The following ILF2 variants were observed in gnomAD, a reference collection of about 807,000 sequenced individuals.
The protein encoded by ILF2 is interleukin enhancer binding factor 2.
ILF2 carries 9 observed loss-of-function variants against 55.3 expected under a neutral mutation model. The ratio of observed to expected loss-of-function variants is 0.16; its 90% CI spans 0.10 to 0.28. The LOEUF (loss-of-function observed/expected upper bound fraction) is 0.28. Ranked by LOEUF, ILF2 falls within the 10% of genes least tolerant of loss-of-function variation. ILF2 has a pLI of 1.00. For synonymous variants in ILF2, 151 were observed against 161.8 expected, an observed-to-expected ratio of 0.93 and a Z score of 0.50; for missense variants, 266 against 474.9, an observed-to-expected ratio of 0.56 and a Z score of 4.09.
At chr1:153,664,601 G>A in intron 8 of ILF2, 127 bp from the exon 9 acceptor site, 1 of 753,010 alleles carries the variant, frequency 1.3e-6, no homozygotes, top group Non-Finnish European at 2.3e-6. Context: ...TGTTGTCCAG[G>A]CTGGATTGCG....
intron 5 of ILF2, 51 bp from the exon 6 acceptor site, chr1:153,667,708 C>G: frequency 7.9e-7 from 1 of 1,263,030 alleles, no homozygotes; most frequent in Non-Finnish European, 1.1e-6. Flanking sequence ...AAAAAAGGTG[C>G]CTAGGTCCTC....
rs772605941 is a variant in ILF2, at chr1:153,665,660, A to G, written c.460+3T>C. The G allele has an allele frequency of 7.4e-6, 12 of 1,613,188 alleles. No homozygotes were observed. Among genetic ancestry groups the G allele is most frequent in the Non-Finnish European group, 1.0e-5 (12 of 1,179,100 alleles). On this transcript the variant is annotated splice_donor_region_variant and intron_variant, in intron 7 of 13. Transcript: ENST00000361891. ...AAATACAGAATCAGCAACAAATGCA[A>G]ACCTTCAGAAGGATCCTGTGCTCTT...
intron 7 of ILF2, 139 bp from the exon 8 acceptor site, chr1:153,665,475 G>A: frequency 4.0e-6 from 3 of 758,774 alleles, no homozygotes; most frequent in Non-Finnish European, 6.9e-6. Flanking sequence ...CAGAGCTTTA[G>A]AAGGGAGATC....
At chr1:153,664,258 GCTTC>G (rs1669250237) in intron 9 of ILF2, 128 bp from the exon 10 acceptor site, 3 of 999,378 alleles carry the variant, frequency 3.0e-6, no homozygotes, top group Non-Finnish European at 4.6e-6. Context: ...ATCTTAATTT[GCTTC>G]CTTAAGGTAA....
chr1:153,670,790 G>A, intron 1 of ILF2, 128 bp downstream of exon 1: 2 of 1,087,086 alleles, frequency 1.8e-6, no homozygotes, highest in South Asian at 1.2e-5. Flanking sequence ...TCCTAGACCA[G>A]GAGTTCTCAG....
rs1160296396 is a variant in ILF2 at position 153,667,193 on chromosome 1, A to G, written c.394+362T>C. Reference sequence around the variant, plus strand: ...AGAAATTTGAGCTTTCAAGATCCGTAAGGGCTGGGCACAGTGGCTCACGCC... The same window carrying G: ...AGAAATTTGAGCTTTCAAGATCCGTGAGGGCTGGGCACAGTGGCTCACGCC... On this transcript the variant is annotated intron_variant, in intron 6 of 13. Coordinates refer to ENST00000361891, the MANE Select transcript of ILF2 (RefSeq NM_004515.4). 8.8e-6 allele frequency: 3 copies of G among 342,434 alleles called. No homozygotes were observed. The East Asian group carries it at 1.4e-4, about 16-fold the overall frequency. The allele number at this position is 342,434 out of a possible 1,614,324, so 21.2% of individuals were successfully genotyped here.
chr1:153,662,879 C>T, intron 12 of ILF2, 84 bp from the exon 13 acceptor site: 1 of 1,368,752 alleles, frequency 7.3e-7, no homozygotes, highest in Non-Finnish European at 1.0e-6. Flanking sequence ...GAGATTAAGA[C>T]AGCTTTTTAA....
chr1:153,664,238 CT>C lies in ILF2; in HGVS notation c.657-109del, dbSNP rs1275898434. Reference sequence around the variant, plus strand: ...TATTTCCAGAACTATACATTCTCTGCTTTCTCTAAATCTTAATTTGCTTCCT... The same window carrying C: ...TATTTCCAGAACTATACATTCTCTGCTTCTCTAAATCTTAATTTGCTTCCT... On this transcript the variant is annotated intron_variant, in intron 9 of 13. Transcript: ENST00000361891. 5 of 975,802 alleles carry C rather than the reference CT, an allele frequency of 5.1e-6. No homozygotes were observed. In the African/African-American group the frequency reaches 8.1e-5, roughly 16 times the overall value. 60.4% of individuals were successfully genotyped at this position (975,802 alleles called of 1,614,324 possible). A position where few individuals can be genotyped will look rare whatever the true frequency, so the allele number is the denominator to read the frequency against.
intron 8 of ILF2, 49 bp downstream of exon 8, chr1:153,665,171 G>A (rs750716877): frequency 6.6e-6 from 7 of 1,062,284 alleles, no homozygotes; most frequent in Admixed American, 3.4e-5. Flanking sequence ...ACAATACCAT[G>A]TTTTGAATAT....
chr1:153,667,857 T>C, intron 5 of ILF2, 143 bp downstream of exon 5: 1 of 684,324 alleles, frequency 1.5e-6, no homozygotes, highest in Non-Finnish European at 2.6e-6. Context: ...CCAAGATCAG[T>C]ACTACAAAGA....
rs781396819 is a variant in ILF2, at chr1:153,662,388, AG to A, written c.*7del. 2.5e-6 allele frequency: 4 copies of A among 1,613,924 alleles called. No individual in the cohort carries two copies. Among genetic ancestry groups the A allele is most frequent in the Admixed American group, 3.3e-5 (2 of 60,006 alleles). On this transcript the variant is annotated 3_prime_UTR_variant, in exon 14 of 14. Coordinates refer to ENST00000361891, the MANE Select transcript of ILF2 (RefSeq NM_004515.4). Reference sequence around the variant, plus strand: ...CCCCCTTGGGTAGGAAAAGGAGTGAAGGGAATGTCACTCCTGAGTTTCCATG... The same window carrying A: ...CCCCCTTGGGTAGGAAAAGGAGTGAAGGAATGTCACTCCTGAGTTTCCATG...
At position 153,663,046 on chromosome 1, in the gene ILF2, T is replaced by C. The variant is rs1193830363; in HGVS notation, c.894A>G (p.Val298=). The change falls in exon 12 of 14, where the codon GTA becomes GTG. Residue 298 remains valine (V), a synonymous_variant. Coordinates refer to ENST00000361891, the MANE Select transcript of ILF2 (RefSeq NM_004515.4). ...GCTGTTCTAGGGTCATGACTGTGTGTACTCTAAAGTTGCCACTCTCACAGG... is the reference window on the plus strand; with the variant it reads ...GCTGTTCTAGGGTCATGACTGTGTGCACTCTAAAGTTGCCACTCTCACAGG... The part of the protein sequence containing the change: ...TDPCESGNFR[V]HTVMTLEQQD... The C allele has an allele frequency of 6.2e-7, 1 of 1,613,926 alleles. No individual in the cohort carries two copies. The highest frequency in any genetic ancestry group is 8.5e-7 in the Non-Finnish European group (1 of 1,179,900).
intron 12 of ILF2, 24 bp downstream of exon 12, chr1:153,662,995 C>T (rs753655803): frequency 3.8e-6 from 6 of 1,581,844 alleles, no homozygotes; most frequent in Admixed American, 3.3e-5. Context: ...GGCAAAACAA[C>T]TCAGTTCATA....
Position 153,662,814 on chromosome 1 carries a change from A to G in ILF2, c.922-19T>C, listed in dbSNP as rs370842389. On this transcript the variant is annotated intron_variant, in intron 12 of 13. Transcript: ENST00000361891. ...CCATGTCCTGAAGGAAAGCAAAGTG[A>G]GAGTAAGCAAGGAAAATCAAAGGAC... 8.9e-5 allele frequency: 143 copies of G among 1,598,420 alleles called. 1 individual carries two copies. The African/African-American group carries it at 1.4e-3, about 16-fold the overall frequency.
intron 5 of ILF2, 36 bp from the exon 6 acceptor site, chr1:153,667,693 G>A (rs756879446): frequency 1.3e-6 from 2 of 1,486,356 alleles, no homozygotes; most frequent in Admixed American, 1.9e-5. Flanking sequence ...AAACAATTTA[G>A]AAGAAAAAAA....
At chr1:153,663,540 C>T (rs967601852) in intron 10 of ILF2, among the ~76,000 whole-genome samples, 1 of 151,752 alleles carries the variant, frequency 6.6e-6, no homozygotes, top group African/African-American at 2.4e-5. Flanking sequence ...GCTATTTTGC[C>T]CAGGCTGGTC....
At chr1:153,668,652 CAG>C (rs1669370827) in intron 3 of ILF2, 95 bp from the exon 4 acceptor site, 7 of 1,394,328 alleles carry the variant, frequency 5.0e-6, no homozygotes, top group Non-Finnish European at 6.7e-6. Flanking sequence ...AGGTTAAAAA[CAG>C]AAAATTCTAC....
chr1:153,662,784 G>A lies in ILF2; in HGVS notation c.933C>T (p.Cys311=). The change falls in exon 13 of 14, where the codon TGC becomes TGT. Residue 311 remains cysteine (C), a synonymous_variant. Coordinates refer to ENST00000361891, the MANE Select transcript of ILF2 (RefSeq NM_004515.4). ...TTCGGACGAGAGTCTGAGCTGTATAGCAGACCATGTCCTGAAGGAAAGCAA... is the reference window on the plus strand; with the variant it reads ...TTCGGACGAGAGTCTGAGCTGTATAACAGACCATGTCCTGAAGGAAAGCAA... ...VMTLEQQDMV[C]YTAQTLVRIL... 1 of 1,614,042 alleles carries A rather than the reference G, an allele frequency of 6.2e-7. No homozygotes were observed. Among genetic ancestry groups the A allele is most frequent in the Non-Finnish European group, 8.5e-7 (1 of 1,179,886 alleles).
intron 6 of ILF2, chr1:153,667,307 G>A (rs1375192306): frequency 3.6e-6 from 2 of 549,794 alleles, no homozygotes; most frequent in Admixed American, 3.3e-5. Flanking sequence ...GTGAAACCCT[G>A]TATCTACAAA....
Sources: allele counts gnomAD v4.1 joint callset (sites outside exome capture counted in the v4.1 genomes callset), GRCh38; gene constraint gnomAD v4.1.1; transcripts MANE v1.5; gene names NCBI Gene and HGNC (gene_info 2026-07-23, HGNC 2026-07-21).